Variants in GBA1 observed in about 807,000 individuals in gnomAD.
The protein encoded by GBA1 is glucosylceramidase beta 1, also known as lysosomal acid glucosylceramidase.
At chr1:155,243,678 T>G in the GBA1 span, among the ~76,000 whole-genome samples, 1 of 152,214 alleles carries the variant, frequency 6.6e-6, no homozygotes, top group Admixed American at 6.5e-5. Flanking sequence ...TTGCGCAGGT[T>G]GGTCTCAAAC....
the GBA1 span, chr1:155,239,973 CA>C: frequency 6.2e-7 from 1 of 1,614,040 alleles, no homozygotes; most frequent in South Asian, 1.1e-5. Flanking sequence ...CTGAAGGTAC[CA>C]AGGGCAGGAA....
chr1:155,244,476 T>G, the GBA1 span: 1 of 152,020 alleles, frequency 6.6e-6, no homozygotes, highest in African/African-American at 2.4e-5. Context: ...ACAGCTAAGA[T>G]CCAAAGGTCG....
At chr1:155,238,052 A>G in the GBA1 span, 13 of 1,439,234 alleles carry the variant, frequency 9.0e-6, no homozygotes, top group Admixed American at 8.4e-5. Flanking sequence ...CTGGAAGTGG[A>G]ACTAGGTTGA....
the GBA1 span, among the ~76,000 whole-genome samples, chr1:155,239,360 T>C: frequency 1.3e-5 from 2 of 152,064 alleles, no homozygotes; most frequent in African/African-American, 4.8e-5. Flanking sequence ...TGAAACCCTG[T>C]CTCTACTAAA....
the GBA1 span, among the ~76,000 whole-genome samples, chr1:155,239,230 A>AG: frequency 6.6e-6 from 1 of 151,378 alleles, no homozygotes; most frequent in African/African-American, 2.4e-5. Context: ...AAAAAAAAAA[A>AG]GAAAAAAGAA....
chr1:155,239,239 A>T, the GBA1 span, among the ~76,000 whole-genome samples: 4 of 151,694 alleles, frequency 2.6e-5, no homozygotes, highest in African/African-American at 9.7e-5. Flanking sequence ...AAGAAAAAAG[A>T]AAAGTGTCTG....
the GBA1 span, chr1:155,237,588 G>A: frequency 8.1e-6 from 13 of 1,613,048 alleles, no homozygotes; most frequent in East Asian, 1.8e-4. Context: ...CCTGGCAAGA[G>A]AAAGGTCATG....
At chr1:155,239,828 A>G in the GBA1 span, 1 of 1,613,990 alleles carries the variant, frequency 6.2e-7, no homozygotes, top group African/African-American at 1.3e-5. Context: ...GATCACTGAC[A>G]CCATTTACCT....
the GBA1 span, chr1:155,244,520 A>G: frequency 1.3e-5 from 2 of 152,272 alleles, no homozygotes; most frequent in African/African-American, 4.8e-5. Flanking sequence ...GGCGAAGAGA[A>G]ACAGCAGCCC....
At chr1:155,244,108 A>G in the GBA1 span, 1 of 152,288 alleles carries the variant, frequency 6.6e-6, no homozygotes, top group African/African-American at 2.4e-5. Flanking sequence ...TAAAAATAAT[A>G]ATGATGGTTG....
the GBA1 span, chr1:155,236,589 G>A: frequency 1.1e-5 from 9 of 842,308 alleles, no homozygotes; most frequent in African/African-American, 1.7e-5. Context: ...GGTTTGGGGA[G>A]ATTTTTTTTT....
chr1:155,236,129 T>C, the GBA1 span: 63 of 956,370 alleles, frequency 6.6e-5, no homozygotes, highest in Middle Eastern at 2.1e-4. Context: ...CCAGAGTTGC[T>C]CAAAAGGGCA....
the GBA1 span, chr1:155,235,828 A>C: frequency 6.2e-7 from 1 of 1,614,270 alleles, no homozygotes; most frequent in Non-Finnish European, 8.5e-7. Flanking sequence ...CCAGCCGACC[A>C]CATGGTACAG....
chr1:155,237,968 T>C, the GBA1 span: 6 of 752,638 alleles, frequency 8.0e-6, no homozygotes, highest in Non-Finnish European at 1.4e-5. Flanking sequence ...GGAAGCCTGA[T>C]GGAGTGGGCA....
chr1:155,237,782 A>G, the GBA1 span: 3 of 1,051,788 alleles, frequency 2.9e-6, no homozygotes, highest in Non-Finnish European at 2.8e-6. Context: ...GGCGCCTATA[A>G]TCCCAGCTAC....
At chr1:155,237,274 T>G in the GBA1 span, 1 of 1,612,736 alleles carries the variant, frequency 6.2e-7, no homozygotes, top group Non-Finnish European at 8.5e-7. Context: ...CGCTCTAAGT[T>G]TGGGAGCCAG....
the GBA1 span, chr1:155,239,913 GC>G: frequency 6.2e-7 from 1 of 1,613,976 alleles, no homozygotes; most frequent in Non-Finnish European, 8.5e-7. Context: ...GCCTGGATGG[GC>G]CCCATACTCA....
At chr1:155,236,862 A>AGTTTT in the GBA1 span, among the ~76,000 whole-genome samples, 4 of 151,758 alleles carry the variant, frequency 2.6e-5, no homozygotes, top group South Asian at 6.2e-4. Flanking sequence ...CAGCCTAGAT[A>AGTTTT]GTTTTGTTTT....
the GBA1 span, chr1:155,241,248 C>T: frequency 1.2e-6 from 1 of 802,982 alleles, no homozygotes; most frequent in South Asian, 1.4e-5. Flanking sequence ...GCAAGTAATT[C>T]CGGCTTCCCG....
Sources: allele counts gnomAD v4.1 joint callset (sites outside exome capture counted in the v4.1 genomes callset), GRCh38; gene constraint gnomAD v4.1.1; transcripts MANE v1.5; gene names NCBI Gene and HGNC (gene_info 2026-07-23, HGNC 2026-07-21).